Variants in ASS1 observed in about 807,000 individuals in gnomAD.
ASS1 encodes the protein argininosuccinate synthase 1.
In ASS1, 58 loss-of-function variants were observed where a neutral mutation model predicts 60.5. The ratio of observed to expected loss-of-function variants is 0.96; its 90% confidence interval spans 0.78 to 1.19. The LOEUF is 1.19. ASS1 is among the 50% of genes most tolerant of loss of function. The probability of loss-of-function intolerance (pLI) is 0.00; values close to 1 mark genes in which losing one functional copy is unlikely to be tolerated. For synonymous variants in ASS1, 200 were observed against 206.9 expected, an observed-to-expected ratio of 0.97 and a Z score of 0.29; for missense variants, 454 against 547.3, an observed-to-expected ratio of 0.83 and a Z score of 1.70.
Position 130,446,282 on chromosome 9 carries a change from TGTG to T in ASS1, c.-6+1288_-6+1290del, listed in dbSNP as rs527718374. On this transcript the variant is annotated intron_variant, in intron 1 of 14. Coordinates refer to ENST00000352480, the MANE Select transcript of ASS1 (RefSeq NM_054012.4). ...GGCCTGGGTCCAATTGCACAATAAC[TGTG>T]CCTGGGGTTAGGTTCTGATGAGAGG... is the stretch of plus-strand genomic sequence containing the variant. 2.2e-4 allele frequency among the ~76,000 whole-genome samples: 33 copies of T among 152,272 alleles called. No homozygotes were observed. The East Asian group carries it at 6.4e-3, about 29-fold the overall frequency.
At chr9:130,461,345 C>A (rs1845587616) in intron 4 of ASS1, among the ~76,000 whole-genome samples, 1 of 151,832 alleles carries the variant, frequency 6.6e-6, no homozygotes, top group Non-Finnish European at 1.5e-5. Flanking sequence ...ATGTGGCCAC[C>A]AGAGGGCGCC....
chr9:130,494,979 CG>C lies in ASS1; in HGVS notation c.1085del (p.Gly362AlafsTer14). ...SVLKGQVYILGRESPLSLYNE... is the reference protein window; with the variant it reads ...SVLKGQVYILXRESPLSLYNE... ...TCCTCAAGGGCCAGGTGTACATCCT[CG>C]GCCGGGAGTCCCCACTGTCTCTCTA... is the stretch of plus-strand genomic sequence containing the variant. On this transcript the variant is annotated frameshift_variant, in exon 13 of 15. Coordinates refer to ENST00000352480, the MANE Select transcript of ASS1 (RefSeq NM_054012.4). LOFTEE classifies it high-confidence loss of function. The surrounding 1 kb of genome is among the most constrained non-coding windows in gnomAD (Gnocchi z 4.3). The C allele has an allele frequency of 6.2e-7, 1 of 1,613,428 alleles. No individual in the cohort carries two copies. Among genetic ancestry groups the C allele is most frequent in the Non-Finnish European group, 8.5e-7 (1 of 1,179,986 alleles).
intron 12 of ASS1, among the ~76,000 whole-genome samples, chr9:130,493,996 C>A (rs902615379): frequency 6.6e-6 from 1 of 152,156 alleles, no homozygotes; most frequent in Non-Finnish European, 1.5e-5. Flanking sequence ...TGGGCCAACA[C>A]AAGTCAAATG....
chr9:130,500,674 T>C (rs1222803934), intron 14 of ASS1, among the ~76,000 whole-genome samples: 1 of 152,072 alleles, frequency 6.6e-6, no homozygotes, highest in African/African-American at 2.4e-5. Flanking sequence ...TATAAACCCT[T>C]TTAAATGGCC....
Position 130,489,981 on chromosome 9 carries a change from A to G in ASS1, c.970+517A>G, listed in dbSNP as rs1184610498. Among the ~76,000 whole-genome samples the G allele has an allele frequency of 1.3e-5, 2 of 152,264 alleles. No individual in the cohort carries two copies. The highest frequency in any genetic ancestry group is 4.8e-5 in the African/African-American group (2 of 41,482). On this transcript the variant is annotated intron_variant, in intron 12 of 14. Transcript: ENST00000352480. The surrounding 1 kb of genome is among the most constrained non-coding windows in gnomAD (Gnocchi z 4.1). ...ACTTGAGGGAGAGGCTCCCTGGACCAGGAACTCAGCCCCAGACCCCAGTAC... is the reference window on the plus strand; with the variant it reads ...ACTTGAGGGAGAGGCTCCCTGGACCGGGAACTCAGCCCCAGACCCCAGTAC...
intron 11 of ASS1, among the ~76,000 whole-genome samples, chr9:130,482,045 A>G (rs1846186079): frequency 1.3e-5 from 2 of 152,042 alleles, no homozygotes; most frequent in African/African-American, 4.8e-5. Flanking sequence ...CCAGCACCCC[A>G]TTTACAGATG....
At position 130,501,076 on chromosome 9, in the gene ASS1, A is replaced by G. The variant is rs191668957; in HGVS notation, c.*55A>G. 2.6e-6 allele frequency: 4 copies of G among 1,535,818 alleles called. No homozygotes were observed. The African/African-American group carries it at 5.5e-5, about 21-fold the overall frequency. ...CTCAATTTGCAGATCCCCCAAGTAC[A>G]GGCGCTAATTGTTGTGATAATTTGT... is the stretch of plus-strand genomic sequence containing the variant. On this transcript the variant is annotated 3_prime_UTR_variant, in exon 15 of 15. Coordinates refer to ENST00000352480, the MANE Select transcript of ASS1 (RefSeq NM_054012.4).
At chr9:130,449,600 G>C (rs886896141) in intron 1 of ASS1, among the ~76,000 whole-genome samples, 7 of 152,096 alleles carry the variant, frequency 4.6e-5, no homozygotes, top group Non-Finnish European at 2.9e-5. Context: ...TGGTGGTCTT[G>C]TACCTATGAG....
intron 11 of ASS1, among the ~76,000 whole-genome samples, chr9:130,486,996 C>T (rs1050611097): frequency 1.1e-4 from 16 of 149,960 alleles, no homozygotes; most frequent in African/African-American, 4.0e-4. Flanking sequence ...CGGGGCCGGG[C>T]CCATTCCCCC....
intron 11 of ASS1, among the ~76,000 whole-genome samples, chr9:130,485,008 G>A (rs907012455): frequency 2.6e-5 from 4 of 152,136 alleles, no homozygotes; most frequent in Non-Finnish European, 4.4e-5. Flanking sequence ...CCAGGAAGCC[G>A]GTGCTGGGGG....
rs1014230673 is a variant in ASS1 at position 130,476,751 on chromosome 9, A to G, written c.598-120A>G. 2 of 949,620 alleles carry G rather than the reference A, an allele frequency of 2.1e-6. No homozygotes were observed. Among genetic ancestry groups the G allele is most frequent in the South Asian group, 1.3e-5 (1 of 74,760 alleles). 58.8% of individuals were successfully genotyped at this position (949,620 alleles called of 1,614,324 possible). On this transcript the variant is annotated intron_variant, in intron 8 of 14. Coordinates refer to ENST00000352480, the MANE Select transcript of ASS1 (RefSeq NM_054012.4). This position sits in a 1 kb window ranked among gnomAD's most constrained non-coding sequence, Gnocchi z 4.9. ...GGCTGGGGACCGGGGGATCTGCCGGACCCCACCAGCTGGTGGGGAAATGGA... is the reference window on the plus strand; with the variant it reads ...GGCTGGGGACCGGGGGATCTGCCGGGCCCCACCAGCTGGTGGGGAAATGGA...
At chr9:130,464,379 C>T (rs370387713) in intron 5 of ASS1, among the ~76,000 whole-genome samples, 4 of 152,190 alleles carry the variant, frequency 2.6e-5, no homozygotes, top group African/African-American at 4.8e-5. Context: ...TCATTCTTCC[C>T]GGAGAGGCTG....
At chr9:130,493,822 C>A (rs1187062376) in intron 12 of ASS1, among the ~76,000 whole-genome samples, 1 of 152,228 alleles carries the variant, frequency 6.6e-6, no homozygotes, top group African/African-American at 2.4e-5. Flanking sequence ...AGGCCGGGGG[C>A]AGACTGGGGT....
rs1274150354 is a variant in ASS1, at chr9:130,494,310, G to C, written c.971-557G>C. On this transcript the variant is annotated intron_variant, in intron 12 of 14. Coordinates refer to ENST00000352480, the MANE Select transcript of ASS1 (RefSeq NM_054012.4). This position sits in a 1 kb window ranked among gnomAD's most constrained non-coding sequence, Gnocchi z 4.3. ...AGGCTGGTGCTGCTCAGTGCTAGGG[G>C]CTCCACATGAAATATTACTGTGACA... is the stretch of plus-strand genomic sequence containing the variant. 6.6e-6 allele frequency among the ~76,000 whole-genome samples: 1 copy of C among 152,200 alleles called. No homozygotes were observed. The highest frequency in any genetic ancestry group is 1.5e-5 in the Non-Finnish European group (1 of 68,034).
intron 12 of ASS1, among the ~76,000 whole-genome samples, chr9:130,492,870 A>C (rs1408292611): frequency 1.3e-5 from 2 of 152,170 alleles, no homozygotes; most frequent in African/African-American, 4.8e-5. Flanking sequence ...AGCTTATGCC[A>C]GGCTCACTGG....
chr9:130,451,980 A>T (rs1845337875), intron 1 of ASS1: 3 of 652,272 alleles, frequency 4.6e-6, no homozygotes, highest in Non-Finnish European at 8.5e-6. Flanking sequence ...CGACCAGCCT[A>T]GGACTGCAGT....
At position 130,476,702 on chromosome 9, in the gene ASS1, AAGCG is replaced by A; in HGVS notation, c.598-166_598-163del. 1 of 691,826 alleles carries A rather than the reference AAGCG, an allele frequency of 1.4e-6. No homozygotes were observed. Among genetic ancestry groups the A allele is most frequent in the Non-Finnish European group, 2.6e-6 (1 of 383,752 alleles). The allele number at this position is 691,826 out of a possible 1,614,324, so 42.9% of individuals were successfully genotyped here. ...GCCCTTTGTTTCCCAGGCCTCTGGC[AAGCG>A]AGGCTGGTGCTAGGCTGAGGGCTGG... On this transcript the variant is annotated intron_variant, in intron 8 of 14. Coordinates refer to ENST00000352480, the MANE Select transcript of ASS1 (RefSeq NM_054012.4). The surrounding 1 kb of genome is among the most constrained non-coding windows in gnomAD (Gnocchi z 4.9).
chr9:130,494,583 T>C lies in ASS1; in HGVS notation c.971-284T>C, dbSNP rs911296306. On this transcript the variant is annotated intron_variant, in intron 12 of 14. Transcript: ENST00000352480. This position sits in a 1 kb window ranked among gnomAD's most constrained non-coding sequence, Gnocchi z 4.3. ...GCCTGTGGCACTTCCTGAATGCCTA[T>C]GGCATGAAGCAGTGGGTCACTTCCC... Among the ~76,000 whole-genome samples, 3 of 152,226 alleles carry C rather than the reference T, an allele frequency of 2.0e-5. No individual in the cohort carries two copies. Among genetic ancestry groups the C allele is most frequent in the African/African-American group, 4.8e-5 (2 of 41,468 alleles).
chr9:130,452,115 A>G (rs2131867273), intron 1 of ASS1, 109 bp from the exon 2 acceptor site: 2 of 929,460 alleles, frequency 2.2e-6, no homozygotes, highest in Non-Finnish European at 1.7e-6. Context: ...CAGCTTGCCC[A>G]GGAGACAAGG....
Sources: allele counts gnomAD v4.1 joint callset (sites outside exome capture counted in the v4.1 genomes callset), GRCh38; gene constraint gnomAD v4.1.1; non-coding constraint Gnocchi (gnomAD v3.1); transcripts MANE v1.5; gene names NCBI Gene and HGNC (gene_info 2026-07-23, HGNC 2026-07-21).